TTC28: variants seen among roughly 807,000 people sequenced by gnomAD.
TTC28 encodes tetratricopeptide repeat domain 28.
Under a neutral mutation model 198.0 loss-of-function variants are expected in TTC28, and 61 were observed. The ratio of observed to expected loss-of-function variants is 0.31; its 90% CI spans 0.25 to 0.38. The LOEUF (loss-of-function observed/expected upper bound fraction) is 0.38, where lower values mean the gene tolerates loss of function less well. Ranked by LOEUF, TTC28 falls within the 10% of genes least tolerant of loss-of-function variation. The pLI, the probability that TTC28 is intolerant of heterozygous loss-of-function variation, is 1.00. For missense variants in TTC28, 2,678 were observed against 3,164.0 expected (o/e 0.85, Z 3.69); for synonymous variants, 1,171 against 1,297.8 (o/e 0.90, Z 2.10).
intron 2 of TTC28, among the ~76,000 whole-genome samples, chr22:28,352,832 TTAAAA>T (rs1414034825): frequency 3.3e-5 from 5 of 151,884 alleles, no homozygotes; most frequent in Admixed American, 6.6e-5. Context: ...AAAAAACAGT[TTAAAA>T]TAACTATGTT....
chr22:28,634,839 C>T (rs1383015764), intron 1 of TTC28, among the ~76,000 whole-genome samples: 1 of 151,814 alleles, frequency 6.6e-6, no homozygotes, highest in Non-Finnish European at 1.5e-5. Flanking sequence ...CCCACCCTGG[C>T]CTCCCAAAGT....
chr22:28,287,841 T>C (rs1036462268), intron 5 of TTC28, among the ~76,000 whole-genome samples: 35 of 152,056 alleles, frequency 2.3e-4, no homozygotes, highest in African/African-American at 8.0e-4. Context: ...ATGGACTAGA[T>C]CAAGAAGAAA....
At chr22:27,992,858 G>A (rs1194816152) in intron 18 of TTC28, 195 bp from the exon 19 acceptor site, 1 of 625,302 alleles carries the variant, frequency 1.6e-6, no homozygotes, top group Non-Finnish European at 2.8e-6. Flanking sequence ...GGTGGAAGTG[G>A]GTTGAGTCCT....
intron 16 of TTC28, 96 bp downstream of exon 16, chr22:27,998,444 C>G (rs1937589303): frequency 2.1e-6 from 3 of 1,458,246 alleles, no homozygotes; most frequent in South Asian, 1.4e-5. Flanking sequence ...TTGCCCTGCC[C>G]TCCCCTCCCC....
chr22:28,391,988 CT>C (rs1198150381), intron 2 of TTC28, among the ~76,000 whole-genome samples: 1 of 152,142 alleles, frequency 6.6e-6, no homozygotes, highest in Non-Finnish European at 1.5e-5. Context: ...TACTTTTGGT[CT>C]TTGATGATGG....
At chr22:28,338,566 CT>C (rs2045772665) in intron 2 of TTC28, among the ~76,000 whole-genome samples, 1 of 152,132 alleles carries the variant, frequency 6.6e-6, no homozygotes, top group African/African-American at 2.4e-5. Context: ...CTAAACTTCT[CT>C]TCTCGCTTCA....
chr22:28,454,183 T>C (rs1481782913), intron 2 of TTC28, among the ~76,000 whole-genome samples: 1 of 152,190 alleles, frequency 6.6e-6, no homozygotes, highest in Admixed American at 6.5e-5. Flanking sequence ...ATTACTTTAG[T>C]TTGTCTTCTT....
intron 2 of TTC28, among the ~76,000 whole-genome samples, chr22:28,513,274 G>C (rs939795849): frequency 6.6e-6 from 1 of 152,140 alleles, no homozygotes; most frequent in Admixed American, 6.5e-5. Context: ...CCCAAATGCA[G>C]AATGAAAAGA....
chr22:28,303,856 C>CAAAAAAAAAAA (rs202209435), intron 3 of TTC28: 1 of 99,452 alleles, frequency 1.0e-5, no homozygotes. Context: ...CTTTAAAATA[C>CAAAAAAAAAAA]AAAAAAAAAA....
intron 1 of TTC28, among the ~76,000 whole-genome samples, chr22:28,651,934 G>A (rs1353229710): frequency 6.6e-6 from 1 of 151,970 alleles, no homozygotes; most frequent in Admixed American, 6.6e-5. Flanking sequence ...CCACCTCCCA[G>A]GTTCAAGCAA....
chr22:28,280,363 G>A (rs2044561258), intron 5 of TTC28, among the ~76,000 whole-genome samples: 2 of 151,590 alleles, frequency 1.3e-5, no homozygotes, highest in Non-Finnish European at 2.9e-5. Context: ...TTTTGCTCTT[G>A]TTGCCCAGGC....
chr22:28,628,454 T>C (rs1039184307), intron 2 of TTC28, among the ~76,000 whole-genome samples: 4 of 152,234 alleles, frequency 2.6e-5, no homozygotes, highest in Non-Finnish European at 4.4e-5. Context: ...TGTGTGTTTG[T>C]GTCATAAGAG....
intron 2 of TTC28, among the ~76,000 whole-genome samples, chr22:28,466,930 AT>A (rs1352799088): frequency 1.3e-5 from 2 of 152,006 alleles, no homozygotes; most frequent in Non-Finnish European, 2.9e-5. Context: ...TGTCACTTTA[AT>A]TTAGAACACA....
intron 2 of TTC28, among the ~76,000 whole-genome samples, chr22:28,491,631 G>A (rs2048380050): frequency 6.6e-6 from 1 of 152,194 alleles, no homozygotes; most frequent in South Asian, 2.1e-4. Context: ...AGAGGATGTG[G>A]AGAAACAGGA....
chr22:27,983,013 A>C lies in TTC28; in HGVS notation c.6654T>G (p.Val2218=), dbSNP rs1390324697. The change falls in exon 23 of 23, where the codon GTT becomes GTG. Residue 2218 remains valine, a synonymous_variant. Coordinates refer to ENST00000397906, the MANE Select transcript of TTC28 (RefSeq NM_001145418.2). ...ATGGCTGACTCTTCTGATGGGAGAGAACAGGCCTGCTGAACGCACTGGTTT... is the reference window on the plus strand; with the variant it reads ...ATGGCTGACTCTTCTGATGGGAGAGCACAGGCCTGCTGAACGCACTGGTTT... ...ASETSAFSRP[V]LSHQKSQPSP... 1 of 1,551,562 alleles carries C rather than the reference A, an allele frequency of 6.4e-7. No homozygotes were observed. Among genetic ancestry groups the C allele is most frequent in the East Asian group, 2.4e-5 (1 of 40,898 alleles).
intron 9 of TTC28, among the ~76,000 whole-genome samples, chr22:28,099,654 T>A (rs1385685449): frequency 1.3e-5 from 2 of 152,186 alleles, no homozygotes; most frequent in Non-Finnish European, 2.9e-5. Context: ...AAGACAGGAA[T>A]TAGAGACTTA....
intron 5 of TTC28, among the ~76,000 whole-genome samples, chr22:28,172,928 T>A (rs539344570): frequency 1.3e-5 from 2 of 152,334 alleles, no homozygotes; most frequent in Admixed American, 1.3e-4. Flanking sequence ...ATACTGTACA[T>A]ACTTCACAGG....
chr22:28,442,240 C>G (rs2047634342), intron 2 of TTC28, among the ~76,000 whole-genome samples: 1 of 152,206 alleles, frequency 6.6e-6, no homozygotes, highest in South Asian at 2.1e-4. Context: ...CTGACACGCA[C>G]AGACACACGC....
At chr22:28,167,271 T>C (rs913015989) in intron 5 of TTC28, among the ~76,000 whole-genome samples, 9 of 152,216 alleles carry the variant, frequency 5.9e-5, no homozygotes, top group African/African-American at 1.9e-4. Context: ...CCATTCCTTC[T>C]GAAACCATTC....
Sources: allele counts gnomAD v4.1 joint callset (sites outside exome capture counted in the v4.1 genomes callset), GRCh38; gene constraint gnomAD v4.1.1; transcripts MANE v1.5; gene names NCBI Gene and HGNC (gene_info 2026-07-23, HGNC 2026-07-21).